The following ZBTB20 variants were observed in gnomAD, a reference collection of about 807,000 sequenced individuals.
ZBTB20 encodes zinc finger and BTB domain containing 20.
A neutral mutation model predicts 56.9 loss-of-function variants in ZBTB20; 9 were observed. The observed-to-expected ratio is 0.16, with a 90% CI of 0.10 to 0.28. ZBTB20 has a LOEUF of 0.28. Among genes scored for constraint, ZBTB20 ranks in the 10% least tolerant of loss-of-function variants. ZBTB20 has a pLI of 1.00. For synonymous variants in ZBTB20, 417 were observed against 420.7 expected (o/e 0.99, Z 0.11); for missense variants, 655 against 1,003.0 (o/e 0.65, Z 4.69).
chr3:114,838,209 A>G (rs993799096), intron 4 of ZBTB20, among the ~76,000 whole-genome samples: 1 of 152,220 alleles, frequency 6.6e-6, no homozygotes, highest in Non-Finnish European at 1.5e-5. Context: ...TAATAAGTAT[A>G]AATGCAAGGG....
rs535888107 is a variant in ZBTB20, at chr3:114,979,261, A to C, written c.-506-4845T>G. Among the ~76,000 whole-genome samples, 232 of 152,156 alleles carry C rather than the reference A, an allele frequency of 1.5e-3. 1 individual carries two copies. The highest frequency in any genetic ancestry group is 2.7e-3 in the Non-Finnish European group (185 of 67,922). Reference sequence around the variant, plus strand: ...GAGAAAATAGATGAAATGTTCATCGATTTCAATGATAGGACTACTGTATAA... The same window carrying C: ...GAGAAAATAGATGAAATGTTCATCGCTTTCAATGATAGGACTACTGTATAA... On this transcript the variant is annotated intron_variant, in intron 2 of 11. Coordinates refer to ENST00000675478, the MANE Select transcript of ZBTB20 (RefSeq NM_001348800.3).
rs545862946 is a variant in ZBTB20 at position 115,099,395 on chromosome 3, T to C, written c.-702-27981A>G. Among the ~76,000 whole-genome samples, 5 of 152,294 alleles carry C rather than the reference T, an allele frequency of 3.3e-5. No homozygotes were observed. In the South Asian group the frequency reaches 1.0e-3, roughly 32 times the overall value. ...AAACTGTCCTAGGATAAAAACTGCT[T>C]GTTAAGAAAGTTCGCATTCTTACTA... On this transcript the variant is annotated intron_variant, in intron 1 of 11. Coordinates refer to ENST00000675478, the MANE Select transcript of ZBTB20 (RefSeq NM_001348800.3).
chr3:114,601,298 G>A (rs145017067), intron 6 of ZBTB20, among the ~76,000 whole-genome samples: 6 of 152,058 alleles, frequency 3.9e-5, no homozygotes, highest in African/African-American at 1.4e-4. Flanking sequence ...AGATTATCTC[G>A]CACATGGCAG....
intron 5 of ZBTB20, among the ~76,000 whole-genome samples, chr3:114,781,434 T>C (rs2070090652): frequency 6.6e-6 from 1 of 152,248 alleles, no homozygotes; most frequent in South Asian, 2.1e-4. Context: ...TTCTCATTAA[T>C]GGGACTTGTT....
chr3:114,878,421 T>A (rs530154500), intron 4 of ZBTB20, among the ~76,000 whole-genome samples: 1 of 152,200 alleles, frequency 6.6e-6, no homozygotes, highest in African/African-American at 2.4e-5. Context: ...GTTTTCAGCA[T>A]CTACTGGAGA....
chr3:114,749,795 A>G (rs944216957), intron 5 of ZBTB20, among the ~76,000 whole-genome samples: 3 of 152,222 alleles, frequency 2.0e-5, no homozygotes, highest in Non-Finnish European at 2.9e-5. Context: ...TAGCCTCTCT[A>G]GGTCAAGATT....
At chr3:115,132,760 G>C (rs2084543202) in intron 1 of ZBTB20, among the ~76,000 whole-genome samples, 1 of 151,530 alleles carries the variant, frequency 6.6e-6, no homozygotes, top group African/African-American at 2.4e-5. Flanking sequence ...GTGAGATCCT[G>C]TCTCAAAATA....
intron 1 of ZBTB20, among the ~76,000 whole-genome samples, chr3:115,093,940 G>T (rs992881717): frequency 6.6e-6 from 1 of 152,074 alleles, no homozygotes; most frequent in African/African-American, 2.4e-5. Flanking sequence ...TTTTTAACGG[G>T]AGTTAGGGAA....
intron 6 of ZBTB20, among the ~76,000 whole-genome samples, chr3:114,550,367 G>A (rs1425336133): frequency 6.6e-6 from 1 of 152,146 alleles, no homozygotes; most frequent in Non-Finnish European, 1.5e-5. Context: ...TCCATAGTTT[G>A]GTTGATGATG....
At chr3:114,778,429 C>T (rs893010714) in intron 5 of ZBTB20, among the ~76,000 whole-genome samples, 1 of 151,874 alleles carries the variant, frequency 6.6e-6, no homozygotes, top group African/African-American at 2.4e-5. Context: ...TGTGACCAAA[C>T]CACCCAGTTT....
chr3:114,525,043 C>A (rs190546046), intron 6 of ZBTB20, among the ~76,000 whole-genome samples: 4 of 152,274 alleles, frequency 2.6e-5, no homozygotes, highest in Non-Finnish European at 4.4e-5. Context: ...TACTCTCCCC[C>A]TTTGGGACCA....
chr3:114,558,161 A>G (rs569663192), intron 6 of ZBTB20, among the ~76,000 whole-genome samples: 3 of 152,146 alleles, frequency 2.0e-5, no homozygotes, highest in African/African-American at 7.2e-5. Context: ...AAGAATCAGG[A>G]CATTTAAACT....
At position 114,350,722 on chromosome 3, in the gene ZBTB20, G is replaced by A. The variant is rs1199716259; in HGVS notation, c.1356C>T (p.Ser452=). ...AAGGCTGTTGTAGGACGCTCTTGTC[G>A]GAGCTGTTGCTGACAGTGATAACAG... ...DSTVITVSNS[S]DKSVLQQPSV... The change falls in exon 11 of 12, where the codon TCC becomes TCT. Residue 452 remains serine, a synonymous_variant. Transcript: ENST00000675478. 2 of 1,614,212 alleles carry A rather than the reference G, an allele frequency of 1.2e-6. No homozygotes were observed. Among genetic ancestry groups the A allele is most frequent in the African/African-American group, 1.3e-5 (1 of 75,058 alleles).
intron 6 of ZBTB20, among the ~76,000 whole-genome samples, chr3:114,550,899 T>G (rs910408475): frequency 6.6e-6 from 1 of 152,166 alleles, no homozygotes; most frequent in African/African-American, 2.4e-5. Flanking sequence ...TACAGGTATG[T>G]GCCACCATGT....
intron 4 of ZBTB20, among the ~76,000 whole-genome samples, chr3:114,810,042 A>C (rs1301315571): frequency 1.3e-5 from 2 of 152,140 alleles, no homozygotes; most frequent in African/African-American, 4.8e-5. Context: ...GTTGTACTTA[A>C]ACACCTAGGG....
intron 7 of ZBTB20, among the ~76,000 whole-genome samples, chr3:114,440,825 T>C (rs1258079074): frequency 2.0e-5 from 3 of 152,152 alleles, no homozygotes; most frequent in Non-Finnish European, 4.4e-5. Context: ...TCTGCTATTC[T>C]CCTGGGATAT....
intron 6 of ZBTB20, among the ~76,000 whole-genome samples, chr3:114,535,134 T>C (rs2048315977): frequency 6.6e-6 from 1 of 151,860 alleles, no homozygotes. Flanking sequence ...AAGAAATAAC[T>C]AAGATCAGAG....
rs186119128 is a variant in ZBTB20 at position 114,952,893 on chromosome 3, T to C, written c.-456+21473A>G. ...ACAAATGATACAACATTGCCACTGA[T>C]ATAAACACTGAACATTAGGAATGAA... On this transcript the variant is annotated intron_variant, in intron 3 of 11. Coordinates refer to ENST00000675478, the MANE Select transcript of ZBTB20 (RefSeq NM_001348800.3). 2.0e-5 allele frequency among the ~76,000 whole-genome samples: 3 copies of C among 152,084 alleles called. No individual in the cohort carries two copies. In the East Asian group the frequency reaches 5.8e-4, roughly 29 times the overall value.
At position 114,792,083 on chromosome 3, in the gene ZBTB20, A is replaced by G. The variant is rs1166016678; in HGVS notation, c.-343+9018T>C. 3.9e-5 allele frequency: 6 copies of G among 152,292 alleles called. No individual in the cohort carries two copies. In the East Asian group the frequency reaches 7.7e-4, roughly 20 times the overall value. The allele number at this position is 152,292 out of a possible 1,614,324, so 9.4% of individuals were successfully genotyped here. ...CAATTCCCTAGAAATTTACTGTTTC[A>G]AAGAGTCACAAGCTCCTGATTGCTT... is the stretch of plus-strand genomic sequence containing the variant. On this transcript the variant is annotated intron_variant, in intron 5 of 11. Transcript: ENST00000675478.
Sources: allele counts gnomAD v4.1 joint callset (sites outside exome capture counted in the v4.1 genomes callset), GRCh38; gene constraint gnomAD v4.1.1; transcripts MANE v1.5; gene names NCBI Gene and HGNC (gene_info 2026-07-23, HGNC 2026-07-21).